The following KIF26B variants were observed in gnomAD, a reference collection of about 807,000 sequenced individuals.
The protein encoded by KIF26B is kinesin family member 26B.
In KIF26B, 63 loss-of-function variants were observed where a neutral mutation model predicts 151.2. The observed-to-expected ratio is 0.42, with a 90% CI of 0.34 to 0.51. The LOEUF (loss-of-function observed/expected upper bound fraction) is 0.51, where lower values mean the gene tolerates loss of function less well. Among genes scored for constraint, KIF26B ranks in the 20% least tolerant of loss-of-function variants. The pLI, the probability that KIF26B is intolerant of heterozygous loss-of-function variation, is 0.07. For synonymous variants in KIF26B, 1,357 were observed against 1,262.1 expected (o/e 1.08, Z -1.59); for missense variants, 2,813 against 2,913.6 (o/e 0.97, Z 0.79).
rs372492357 is a variant in KIF26B at position 245,703,789 on chromosome 1, A to G, written c.*1183A>G. 27 of 152,260 alleles carry G rather than the reference A, an allele frequency of 1.8e-4. No individual in the cohort carries two copies. The East Asian group carries it at 3.9e-3, about 22-fold the overall frequency. 9.4% of individuals were successfully genotyped at this position (152,260 alleles called of 1,614,324 possible). A position where few individuals can be genotyped will look rare whatever the true frequency, so the allele number is the denominator to read the frequency against. On this transcript the variant is annotated 3_prime_UTR_variant, in exon 15 of 15. Coordinates refer to ENST00000407071, the MANE Select transcript of KIF26B (RefSeq NM_018012.4). ...AGAAGAAGGATTCTTGAGACTGTAC[A>G]TCTTGTCTGTTGTCCAGAGTACAAG...
chr1:245,354,911 AT>A (rs1672652276), intron 2 of KIF26B, among the ~76,000 whole-genome samples: 1 of 152,138 alleles, frequency 6.6e-6, no homozygotes, highest in East Asian at 1.9e-4. Context: ...GATGATTTTT[AT>A]TTTATTTTAT....
chr1:245,570,973 T>C (rs77520445), intron 5 of KIF26B, among the ~76,000 whole-genome samples: 12,488 of 152,298 alleles, frequency 0.082, 602 homozygotes, highest in African/African-American at 0.11. Flanking sequence ...AAATCTAACA[T>C]AATGAGTGAA....
rs551218176 is a variant in KIF26B at position 245,688,148 on chromosome 1, G to C, written c.5165G>C (p.Gly1722Ala). Residue 1722 changes from glycine to alanine, a missense_variant, in exon 12 of 15, where the codon GGG (glycine) becomes GCG (alanine). Coordinates refer to ENST00000407071, the MANE Select transcript of KIF26B (RefSeq NM_018012.4). Reference sequence around the variant, plus strand: ...GCCGGGACCTCGCCCCCCAGCTCCGGGGCCTCGCCCAAGGCCGGCCAGTCC... The same window carrying C: ...GCCGGGACCTCGCCCCCCAGCTCCGCGGCCTCGCCCAAGGCCGGCCAGTCC... The part of the protein sequence containing the change: ...RSAGTSPPSS[G>A]ASPKAGQSKI... 872 of 1,594,502 alleles carry C rather than the reference G, an allele frequency of 5.5e-4. 15 individuals carry two copies. The South Asian group carries it at 9.3e-3, about 17-fold the overall frequency.
At position 245,346,141 on chromosome 1, in the gene KIF26B, C is replaced by T. The variant is rs374442148; in HGVS notation, c.466-20693C>T. 4.5e-4 allele frequency among the ~76,000 whole-genome samples: 69 copies of T among 152,068 alleles called. 1 individual carries two copies. In the East Asian group the frequency reaches 5.6e-3, roughly 12 times the overall value. On this transcript the variant is annotated intron_variant, in intron 2 of 14. Coordinates refer to ENST00000407071, the MANE Select transcript of KIF26B (RefSeq NM_018012.4). ...TGTATTTTTAGTAGAGTCAGGGTTT[C>T]ACCATCTTGGCCAGGCTGGTCTTGA... is the stretch of plus-strand genomic sequence containing the variant.
chr1:245,423,068 A>C (rs2103037737), intron 4 of KIF26B, among the ~76,000 whole-genome samples: 1 of 148,388 alleles, frequency 6.7e-6, no homozygotes, highest in East Asian at 2.0e-4. Flanking sequence ...ACTGCACTCC[A>C]GCCTGGGTGA....
At chr1:245,546,369 C>T (rs1350111328) in intron 5 of KIF26B, among the ~76,000 whole-genome samples, 4 of 152,148 alleles carry the variant, frequency 2.6e-5, no homozygotes, top group Admixed American at 1.3e-4. Flanking sequence ...AAAAGGTACT[C>T]GGTAGCTGTT....
In KIF26B at chr1:245,705,540, G is replaced by A. The variant is rs1270602697; in HGVS notation, c.*2934G>A. On this transcript the variant is annotated 3_prime_UTR_variant, in exon 15 of 15. Transcript: ENST00000407071. The stretch of plus-strand genomic sequence containing the variant: ...TGATAGAGAACCCAAGGAGGCAAGG[G>A]GGAATATCAACGAACCCATTTCTAT... 1 of 152,066 alleles carries A rather than the reference G, an allele frequency of 6.6e-6. No individual in the cohort carries two copies. The highest frequency in any genetic ancestry group is 1.5e-5 in the Non-Finnish European group (1 of 68,034). 9.4% of individuals were successfully genotyped at this position (152,066 alleles called of 1,614,324 possible).
At chr1:245,431,596 A>T (rs1323535814) in intron 4 of KIF26B, among the ~76,000 whole-genome samples, 1 of 151,794 alleles carries the variant, frequency 6.6e-6, no homozygotes, top group Non-Finnish European at 1.5e-5. Flanking sequence ...TACCCACCTC[A>T]GCCTCCCAAA....
At chr1:245,423,149 T>C (rs1016372319) in intron 4 of KIF26B, among the ~76,000 whole-genome samples, 16 of 151,018 alleles carry the variant, frequency 1.1e-4, no homozygotes, top group African/African-American at 3.4e-4. Context: ...ACAGCTATGC[T>C]GGGGGCCATT....
intron 2 of KIF26B, among the ~76,000 whole-genome samples, chr1:245,229,409 A>G (rs78759832): frequency 0.014 from 2,063 of 152,276 alleles, 21 homozygotes; most frequent in African/African-American, 0.024. Context: ...TGAGGGTACC[A>G]TTTCTAAAAG....
chr1:245,474,244 G>T lies in KIF26B; in HGVS notation c.1166+54499G>T, dbSNP rs570397268. On this transcript the variant is annotated intron_variant, in intron 4 of 14. Transcript: ENST00000407071. ...CTGCCTCAGCCTCCCGAGTGGCTGGGACTACAGGTGCCCGCCACCACATCT... is the reference window on the plus strand; with the variant it reads ...CTGCCTCAGCCTCCCGAGTGGCTGGTACTACAGGTGCCCGCCACCACATCT... Among the ~76,000 whole-genome samples, 45 of 144,246 alleles carry T rather than the reference G, an allele frequency of 3.1e-4. 1 individual carries two copies. In the South Asian group the frequency reaches 0.01, roughly 33 times the overall value. 94.6% of individuals were successfully genotyped at this position (144,246 alleles called of 152,430 possible). A position where few individuals can be genotyped will look rare whatever the true frequency, so the allele number is the denominator to read the frequency against.
chr1:245,661,451 G>A (rs2044136957), intron 10 of KIF26B, among the ~76,000 whole-genome samples: 1 of 151,834 alleles, frequency 6.6e-6, no homozygotes, highest in African/African-American at 2.4e-5. Context: ...ACCTTCTGAG[G>A]ACGCTGAGGA....
intron 3 of KIF26B, among the ~76,000 whole-genome samples, chr1:245,376,692 A>C (rs1041605293): frequency 6.6e-6 from 1 of 151,944 alleles, no homozygotes; most frequent in African/African-American, 2.4e-5. Context: ...TTTATTTTTT[A>C]TTTATTTTTT....
At chr1:245,639,759 ATAT>A (rs1248054921) in intron 9 of KIF26B, among the ~76,000 whole-genome samples, 4 of 151,778 alleles carry the variant, frequency 2.6e-5, no homozygotes, top group African/African-American at 4.8e-5. Flanking sequence ...CAATTTCCAT[ATAT>A]TTGAATAGTT....
intron 4 of KIF26B, among the ~76,000 whole-genome samples, chr1:245,490,902 A>G (rs1660395879): frequency 6.6e-6 from 1 of 152,224 alleles, no homozygotes; most frequent in Non-Finnish European, 1.5e-5. Flanking sequence ...GTGTTTGTGA[A>G]ATACATTAAC....
intron 10 of KIF26B, among the ~76,000 whole-genome samples, chr1:245,673,332 A>G (rs2044317285): frequency 7.9e-6 from 1 of 126,914 alleles, no homozygotes; most frequent in Non-Finnish European, 1.6e-5. Flanking sequence ...CTGCCATCTT[A>G]GGCCCAGTCC....
At chr1:245,556,875 C>T (rs1200287939) in intron 5 of KIF26B, among the ~76,000 whole-genome samples, 8 of 151,914 alleles carry the variant, frequency 5.3e-5, no homozygotes. Context: ...TTTGTTTCTG[C>T]CTTTCCCCAC....
intron 9 of KIF26B, among the ~76,000 whole-genome samples, chr1:245,623,181 A>G (rs1172695888): frequency 6.6e-6 from 1 of 151,962 alleles, no homozygotes; most frequent in African/African-American, 2.4e-5. Flanking sequence ...TAATGAATAT[A>G]TTCTTCACCC....
chr1:245,363,440 C>T (rs1040429897), intron 2 of KIF26B, among the ~76,000 whole-genome samples: 1 of 152,186 alleles, frequency 6.6e-6, no homozygotes, highest in African/African-American at 2.4e-5. Context: ...AGGTAATCCA[C>T]CCACCTCAGC....
Sources: allele counts gnomAD v4.1 joint callset (sites outside exome capture counted in the v4.1 genomes callset), GRCh38; gene constraint gnomAD v4.1.1; transcripts MANE v1.5; gene names NCBI Gene and HGNC (gene_info 2026-07-23, HGNC 2026-07-21).